Variants in DCBLD1 observed in about 807,000 individuals in gnomAD.
DCBLD1 encodes the protein discoidin, CUB and LCCL domain-containing protein 1.
In DCBLD1, 57 loss-of-function variants were observed where a neutral mutation model predicts 71.5. That is an observed-to-expected ratio of 0.80 (90% confidence interval 0.64 to 0.99). The LOEUF (loss-of-function observed/expected upper bound fraction) is 0.99. Ranked by LOEUF, DCBLD1 falls within the 50% of genes least tolerant of loss-of-function variation. The pLI is 0.00. For synonymous variants in DCBLD1, 380 were observed against 363.8 expected (o/e 1.04, Z -0.51); for missense variants, 891 against 923.5 (o/e 0.96, Z 0.46).
At chr6:117,539,578 C>T in intron 9 of DCBLD1, 199 bp downstream of exon 9, 1 of 463,196 alleles carries the variant, frequency 2.2e-6, no homozygotes, top group South Asian at 3.7e-5. Context: ...ATAGCAAGAC[C>T]CCACCACTAC....
At chr6:117,529,042 G>C (rs1305277022) in intron 5 of DCBLD1, among the ~76,000 whole-genome samples, 1 of 152,084 alleles carries the variant, frequency 6.6e-6, no homozygotes, top group East Asian at 1.9e-4. Context: ...GGGTTTCACT[G>C]TGTTAGCCAG....
intron 1 of DCBLD1, among the ~76,000 whole-genome samples, chr6:117,490,946 A>G (rs1162822451): frequency 2.6e-5 from 4 of 152,246 alleles, no homozygotes; most frequent in African/African-American, 9.6e-5. Flanking sequence ...TGAAAAACAA[A>G]GGAAAGAAAA....
intron 6 of DCBLD1, among the ~76,000 whole-genome samples, 164 bp downstream of exon 6, chr6:117,532,557 G>A (rs1301858679): frequency 6.6e-6 from 1 of 152,208 alleles, no homozygotes; most frequent in Non-Finnish European, 1.5e-5. Flanking sequence ...GTCTCTGCAT[G>A]GATGATAAAT....
chr6:117,561,108 T>TGAA, intron 14 of DCBLD1: 1 of 223,434 alleles, frequency 4.5e-6, no homozygotes, highest in Non-Finnish European at 8.9e-6. Context: ...TAAACCACAG[T>TGAA]GAAGCAGGAA....
At chr6:117,503,482 A>G in intron 1 of DCBLD1, 1 of 382,884 alleles carries the variant, frequency 2.6e-6, no homozygotes, top group Non-Finnish European at 4.8e-6. Flanking sequence ...GGAGAGATAG[A>G]TGATTAGAAA....
At chr6:117,505,914 T>A (rs1777826759) in intron 2 of DCBLD1, among the ~76,000 whole-genome samples, 1 of 152,134 alleles carries the variant, frequency 6.6e-6, no homozygotes, top group Non-Finnish European at 1.5e-5. Flanking sequence ...ATTTCTAGGT[T>A]CTTGAGCTTT....
chr6:117,509,440 TAAAAC>T (rs530616805), intron 2 of DCBLD1, among the ~76,000 whole-genome samples: 17 of 152,084 alleles, frequency 1.1e-4, no homozygotes, highest in Admixed American at 1.0e-3. Flanking sequence ...CAAAATAAAA[TAAAAC>T]AAAATGGGCA....
chr6:117,502,456 CTTTTTTCTTTTTA>C (rs1777696177), intron 1 of DCBLD1, among the ~76,000 whole-genome samples: 1 of 152,090 alleles, frequency 6.6e-6, no homozygotes, highest in South Asian at 2.1e-4. Context: ...AAATCTTTTT[CTTTTTTCTTTTTA>C]TTTTTTAATA....
At chr6:117,516,530 A>T (rs1393371280) in intron 2 of DCBLD1, among the ~76,000 whole-genome samples, 1 of 152,136 alleles carries the variant, frequency 6.6e-6, no homozygotes, top group Admixed American at 6.5e-5. Context: ...TTATTCTATC[A>T]CATCTTCAGT....
intron 14 of DCBLD1, chr6:117,562,741 ATTT>A (rs893268553): frequency 4.8e-5 from 10 of 207,294 alleles, no homozygotes; most frequent in African/African-American, 2.3e-4. Context: ...TGCACAATAA[ATTT>A]TTTTAAGTCT....
intron 1 of DCBLD1, among the ~76,000 whole-genome samples, chr6:117,498,071 A>C (rs1468001610): frequency 6.6e-6 from 1 of 152,182 alleles, no homozygotes; most frequent in Non-Finnish European, 1.5e-5. Flanking sequence ...TTGGCTGTTC[A>C]TTTCTAATTT....
At position 117,538,634 on chromosome 6, in the gene DCBLD1, T is replaced by C. The variant is rs1231979142; in HGVS notation, c.775T>C (p.Leu259=). The change falls in exon 8 of 15, where the codon TTG becomes CTG. Residue 259 remains leucine (L), a synonymous_variant. Coordinates refer to ENST00000338728, the MANE Select transcript of DCBLD1 (RefSeq NM_001366458.2). ...LFTSNGCSRS[L]SFEPDGQIRA... ...TCTTTTTTCAGGTTGCAGCAGATCC[T>C]TGAGTTTTGAACCTGACGGGCAAAT... 1.2e-6 allele frequency: 2 copies of C among 1,614,076 alleles called. No individual in the cohort carries two copies. Among genetic ancestry groups the C allele is most frequent in the African/African-American group, 1.3e-5 (1 of 74,922 alleles).
In DCBLD1 at chr6:117,548,970, G is replaced by T. The variant is rs1306929413; in HGVS notation, c.*531G>T. Reference sequence around the variant, plus strand: ...TTCCTCTCCTTTGATAACTAGAACTGAAAGCATTTTTAACATTCTTCTCCT... The same window carrying T: ...TTCCTCTCCTTTGATAACTAGAACTTAAAGCATTTTTAACATTCTTCTCCT... On this transcript the variant is annotated 3_prime_UTR_variant, in exon 15 of 15. Coordinates refer to ENST00000338728, the MANE Select transcript of DCBLD1 (RefSeq NM_001366458.2). The T allele has an allele frequency of 1.0e-6, 1 of 986,644 alleles. No individual in the cohort carries two copies. Among genetic ancestry groups the T allele is most frequent in the Non-Finnish European group, 1.2e-6 (1 of 830,914 alleles). The allele number at this position is 986,644 out of a possible 1,614,324, so 61.1% of individuals were successfully genotyped here. A position where few individuals can be genotyped will look rare whatever the true frequency, so the allele number is the denominator to read the frequency against.
intron 1 of DCBLD1, among the ~76,000 whole-genome samples, chr6:117,498,362 A>T (rs191921915): frequency 0.016 from 2,453 of 152,312 alleles, 53 homozygotes; most frequent in African/African-American, 0.056. Flanking sequence ...AGAGGAGGAA[A>T]TGATACTTAG....
rs1349215404 is a variant in DCBLD1 at position 117,548,333 on chromosome 6, C to G, written c.2042C>G (p.Pro681Arg). Residue 681 changes from proline to arginine, a missense_variant, in exon 15 of 15, where the codon CCT becomes CGT. Physicochemically the swap from Pro to Arg is moderately radical, Grantham distance 103. Coordinates refer to ENST00000338728, the MANE Select transcript of DCBLD1 (RefSeq NM_001366458.2). Reference sequence around the variant, plus strand: ...GCCCTCGCCACCGAAAGCGGGCACCCTGACTCTCAGAAGCCCCCAACGCAT... The same window carrying G: ...GCCCTCGCCACCGAAAGCGGGCACCGTGACTCTCAGAAGCCCCCAACGCAT... ...VSALATESGH[P>R]DSQKPPTHPG... 7.7e-6 allele frequency: 12 copies of G among 1,550,622 alleles called. No individual in the cohort carries two copies. The East Asian group carries it at 2.9e-4, about 38-fold the overall frequency.
At chr6:117,551,858 G>A (rs747328486), downstream of DCBLD1, among the ~76,000 whole-genome samples, 1 of 152,058 alleles carries the variant, frequency 6.6e-6, no homozygotes, top group Non-Finnish European at 1.5e-5. Context: ...GGCCAGGCAC[G>A]GTGTATCACA....
Position 117,549,286 on chromosome 6 carries a change from A to T in DCBLD1, c.*847A>T, listed in dbSNP as rs1225254925. The T allele has an allele frequency of 3.0e-6, 3 of 985,380 alleles. No individual in the cohort carries two copies. Among genetic ancestry groups the T allele is most frequent in the Non-Finnish European group, 2.4e-6 (2 of 829,928 alleles). 61.0% of individuals were successfully genotyped at this position (985,380 alleles called of 1,614,324 possible). On this transcript the variant is annotated 3_prime_UTR_variant, in exon 15 of 15. Coordinates refer to ENST00000338728, the MANE Select transcript of DCBLD1 (RefSeq NM_001366458.2). ...TCATGACTTTCTTCAGAAGTAGCAC[A>T]TTTTCGTGACTTCCGCTGTCCTCTG...
chr6:117,523,485 A>G (rs1778449314), intron 4 of DCBLD1, among the ~76,000 whole-genome samples: 1 of 152,214 alleles, frequency 6.6e-6, no homozygotes, highest in Admixed American at 6.5e-5. Flanking sequence ...GTTTTTTATT[A>G]ATGTGTGCAG....
intron 14 of DCBLD1, chr6:117,563,115 A>C (rs986758877): frequency 1.7e-5 from 12 of 709,294 alleles, no homozygotes; most frequent in African/African-American, 3.6e-5. Flanking sequence ...AGAATTGTTC[A>C]CATGAAGCCC....
Sources: gnomAD v4.1 joint callset for allele counts (sites outside exome capture counted in the v4.1 genomes callset) on GRCh38, gnomAD v4.1.1 for gene constraint, MANE v1.5 for transcripts, NCBI Gene and HGNC (gene_info 2026-07-23, HGNC 2026-07-21) for gene names.